Variants in RBM20 observed in about 807,000 individuals in gnomAD.
The protein encoded by RBM20 is RNA binding motif protein 20.
In RBM20, 51 loss-of-function variants were observed where a neutral mutation model predicts 110.1. The observed-to-expected ratio is 0.46, with a 90% CI of 0.37 to 0.59. The LOEUF (loss-of-function observed/expected upper bound fraction) is 0.59. Among genes scored for constraint, RBM20 ranks in the 20% least tolerant of loss-of-function variants. The pLI, the probability that RBM20 is intolerant of heterozygous loss-of-function variation, is 0.00. For missense variants in RBM20, 1,512 were observed against 1,574.9 expected (o/e 0.96, Z 0.68); for synonymous variants, 589 against 618.2 (o/e 0.95, Z 0.70).
intron 1 of RBM20, among the ~76,000 whole-genome samples, chr10:110,721,884 G>A (rs958090101): frequency 6.6e-5 from 10 of 152,132 alleles, no homozygotes; most frequent in African/African-American, 7.2e-5. Context: ...AGTCTCTGGG[G>A]GGATGCATCC....
At chr10:110,749,116 T>C (rs2134982235) in intron 1 of RBM20, among the ~76,000 whole-genome samples, 1 of 152,340 alleles carries the variant, frequency 6.6e-6, no homozygotes, top group Admixed American at 6.5e-5. Context: ...AGATAAGAGA[T>C]GCTAAATGTC....
chr10:110,751,405 A>G lies in RBM20; in HGVS notation c.192-29396A>G, dbSNP rs1843851860. 4.6e-5 allele frequency among the ~76,000 whole-genome samples: 7 copies of G among 152,238 alleles called. No homozygotes were observed. In the South Asian group the frequency reaches 1.4e-3, roughly 31 times the overall value. The stretch of plus-strand genomic sequence containing the variant: ...ATTCTGTGATGACATACCACTCTCC[A>G]AAAAGATACTTTAAAGACCAAAGAA... On this transcript the variant is annotated intron_variant, in intron 1 of 13. Coordinates refer to ENST00000369519, the MANE Select transcript of RBM20 (RefSeq NM_001134363.3).
intron 1 of RBM20, among the ~76,000 whole-genome samples, chr10:110,683,546 G>A (rs1862454155): frequency 6.6e-6 from 1 of 152,144 alleles, no homozygotes; most frequent in African/African-American, 2.4e-5. Context: ...TCTGTTATTT[G>A]TTGGGGAAGG....
Position 110,799,773 on chromosome 10 carries a change from CCTTT to C in RBM20, c.1669-6_1669-3del, listed in dbSNP as rs903324770. 2.5e-5 allele frequency: 39 copies of C among 1,548,476 alleles called. No homozygotes were observed. The highest frequency in any genetic ancestry group is 3.4e-5 in the Non-Finnish European group (39 of 1,145,444). Reference sequence around the variant, plus strand: ...AAAGTCAAGTCCAGTGAGTGTCCTTCCTTTCTTTCTTAGGCCTTTTTAGAGATGG... The same window carrying C: ...AAAGTCAAGTCCAGTGAGTGTCCTTCCTTTCTTAGGCCTTTTTAGAGATGG... On this transcript the variant is annotated splice_polypyrimidine_tract_variant and intron_variant, in intron 6 of 13. Coordinates refer to ENST00000369519, the MANE Select transcript of RBM20 (RefSeq NM_001134363.3).
chr10:110,787,506 G>A (rs553549876), intron 5 of RBM20, among the ~76,000 whole-genome samples: 4 of 152,342 alleles, frequency 2.6e-5, no homozygotes, highest in South Asian at 2.1e-4. Context: ...GATTTTGTCC[G>A]AGTCTTGGTA....
At position 110,838,361 on chromosome 10, in the gene RBM20, C is replaced by T. The variant is rs564025406; in HGVS notation, c.*2383C>T. On this transcript the variant is annotated 3_prime_UTR_variant, in exon 14 of 14. Transcript: ENST00000369519. ...CAAATAAAGTCTGAAGATCACGGCT[C>T]AGCCCAGATTGTTCCCCTGGCCAAC... The T allele has an allele frequency of 6.6e-6, 1 of 152,220 alleles. No individual in the cohort carries two copies. Among genetic ancestry groups the T allele is most frequent in the African/African-American group, 2.4e-5 (1 of 41,450 alleles). 9.4% of individuals were successfully genotyped at this position (152,220 alleles called of 1,614,324 possible).
Position 110,836,120 on chromosome 10 carries a change from C to G in RBM20, c.*142C>G. On this transcript the variant is annotated 3_prime_UTR_variant, in exon 14 of 14. Transcript: ENST00000369519. ...CAGGGCACATTGCTTGGGCTTGTTC[C>G]CAGAGACTCAGTGAAATGCCCCTGA... 1 of 524,208 alleles carries G rather than the reference C, an allele frequency of 1.9e-6. No homozygotes were observed. 32.5% of individuals were successfully genotyped at this position (524,208 alleles called of 1,614,324 possible). A position where few individuals can be genotyped will look rare whatever the true frequency, so the allele number is the denominator to read the frequency against.
chr10:110,734,029 A>G (rs1843644974), intron 1 of RBM20, among the ~76,000 whole-genome samples: 1 of 152,096 alleles, frequency 6.6e-6, no homozygotes, highest in East Asian at 1.9e-4. Flanking sequence ...TTTTTTGTAA[A>G]AATCAAATCA....
chr10:110,702,515 C>T (rs1004393910), intron 1 of RBM20, among the ~76,000 whole-genome samples: 5 of 152,032 alleles, frequency 3.3e-5, no homozygotes, highest in African/African-American at 1.2e-4. Context: ...CAGCCCGGGG[C>T]GACACAATGA....
chr10:110,711,671 T>C (rs1323753644), intron 1 of RBM20, among the ~76,000 whole-genome samples: 2 of 152,260 alleles, frequency 1.3e-5, no homozygotes, highest in African/African-American at 4.8e-5. Context: ...GTTTGTACTC[T>C]GTGAACTGAG....
chr10:110,743,777 G>C lies in RBM20; in HGVS notation c.192-37024G>C, dbSNP rs557241977. 2.8e-4 allele frequency among the ~76,000 whole-genome samples: 42 copies of C among 152,104 alleles called. No individual in the cohort carries two copies. In the South Asian group the frequency reaches 8.1e-3, roughly 29 times the overall value. ...ACCACAGATGCGCACCATCACACCCGGCTAATTTTTGTATTTTTAGTAGAG... is the reference window on the plus strand; with the variant it reads ...ACCACAGATGCGCACCATCACACCCCGCTAATTTTTGTATTTTTAGTAGAG... On this transcript the variant is annotated intron_variant, in intron 1 of 13. Transcript: ENST00000369519.
intron 1 of RBM20, among the ~76,000 whole-genome samples, chr10:110,726,513 C>T (rs1396239400): frequency 6.6e-6 from 1 of 152,188 alleles, no homozygotes; most frequent in Non-Finnish European, 1.5e-5. Context: ...AGTTCCTCTA[C>T]CCACTGGATA....
chr10:110,664,918 C>G lies in RBM20; in HGVS notation c.191+20273C>G, dbSNP rs2134829822. 1.3e-5 allele frequency among the ~76,000 whole-genome samples: 2 copies of G among 152,192 alleles called. 1 individual carries two copies. Among genetic ancestry groups the G allele is most frequent in the South Asian group, 4.2e-4 (2 of 4,816 alleles). On this transcript the variant is annotated intron_variant, in intron 1 of 13. Coordinates refer to ENST00000369519, the MANE Select transcript of RBM20 (RefSeq NM_001134363.3). ...GAGACAGGGTCCTTGCTCTGTTACCCAGGCTGGAGTGCAGTGGCACCATCA... is the reference window on the plus strand; with the variant it reads ...GAGACAGGGTCCTTGCTCTGTTACCGAGGCTGGAGTGCAGTGGCACCATCA...
intron 1 of RBM20, among the ~76,000 whole-genome samples, chr10:110,706,058 G>C (rs1488273129): frequency 6.6e-6 from 1 of 151,186 alleles, no homozygotes; most frequent in African/African-American, 2.4e-5. Flanking sequence ...TCCAGCCTGG[G>C]TGACAGAGTG....
At position 110,836,814 on chromosome 10, in the gene RBM20, C is replaced by T. The variant is rs1204396377; in HGVS notation, c.*836C>T. The T allele has an allele frequency of 6.6e-6, 1 of 152,162 alleles. No individual in the cohort carries two copies. Among genetic ancestry groups the T allele is most frequent in the Non-Finnish European group, 1.5e-5 (1 of 68,030 alleles). 9.4% of individuals were successfully genotyped at this position (152,162 alleles called of 1,614,324 possible). On this transcript the variant is annotated 3_prime_UTR_variant, in exon 14 of 14. Coordinates refer to ENST00000369519, the MANE Select transcript of RBM20 (RefSeq NM_001134363.3). ...CTGGACAATGAATTTGGTACAGAGT[C>T]ACTGTAATTAAATATAAAAACAGAA...
rs876657976 is a variant in RBM20 at position 110,812,558 on chromosome 10, G to T, written c.2161G>T (p.Ala721Ser). 3 of 1,551,778 alleles carry T rather than the reference G, an allele frequency of 1.9e-6. No individual in the cohort carries two copies. The South Asian group carries it at 3.6e-5, about 18-fold the overall frequency. ...RKHHPRQLDK[A>S]ELDERPEGGR... is the part of the protein sequence containing the mutation. ...ACACCACCCCCGGCAACTGGACAAGGCTGAGTTGGACGAGCGACCAGAAGG... is the reference window on the plus strand; with the variant it reads ...ACACCACCCCCGGCAACTGGACAAGTCTGAGTTGGACGAGCGACCAGAAGG... Residue 721 changes from alanine to serine, a missense_variant, in exon 9 of 14, where the codon GCT becomes TCT. This residue lies in a region of RBM20 where 1,149 missense variants were observed against 1,169.4 expected (regional missense o/e 0.98). Transcript: ENST00000369519.
intron 5 of RBM20, among the ~76,000 whole-genome samples, chr10:110,792,169 ATC>A (rs1844492466): frequency 1.4e-5 from 2 of 146,420 alleles, no homozygotes; most frequent in Admixed American, 6.7e-5. Flanking sequence ...CTATCTATCT[ATC>A]TATCTATCTA....
upstream of RBM20, among the ~76,000 whole-genome samples, chr10:110,643,724 A>G (rs1163532065): frequency 6.6e-6 from 1 of 152,168 alleles, no homozygotes; most frequent in African/African-American, 2.4e-5. Context: ...GGAACTGACA[A>G]TTTGGAGAGC....
intron 1 of RBM20, among the ~76,000 whole-genome samples, chr10:110,688,827 G>A (rs1324999748): frequency 6.6e-6 from 1 of 151,826 alleles, no homozygotes; most frequent in East Asian, 1.9e-4. Context: ...TCCCACCAAT[G>A]TCCTTTTTCT....
Sources: allele counts gnomAD v4.1 joint callset (sites outside exome capture counted in the v4.1 genomes callset), GRCh38; gene constraint gnomAD v4.1.1; regional missense constraint gnomAD v4.1.1; transcripts MANE v1.5; gene names NCBI Gene and HGNC (gene_info 2026-07-23, HGNC 2026-07-21).